Variants in THAP12 observed in about 807,000 individuals in gnomAD.
THAP12 encodes the protein THAP domain containing 12.
Under a neutral mutation model 63.0 loss-of-function variants are expected in THAP12, and 20 were observed. That is an observed-to-expected ratio of 0.32 (90% CI 0.22 to 0.46). THAP12 has a LOEUF of 0.46. THAP12 is among the 20% of genes least tolerant of loss of function. THAP12 has a pLI of 1.00. For synonymous variants in THAP12, 264 were observed against 328.4 expected (o/e 0.80, Z 2.12); for missense variants, 568 against 908.2 (o/e 0.63, Z 4.81).
Position 76,350,108 on chromosome 11 carries a change from G to A in THAP12, c.*756C>T, listed in dbSNP as rs977391774. 2.0e-5 allele frequency: 3 copies of A among 152,618 alleles called. No individual in the cohort carries two copies. Among genetic ancestry groups the A allele is most frequent in the Non-Finnish European group, 4.4e-5 (3 of 68,022 alleles). 9.5% of individuals were successfully genotyped at this position (152,618 alleles called of 1,614,324 possible). ...CCAGGTTTTGCTTATAAATCAAGAT[G>A]AGGCAGTATATAAGAGTCATGGAAA... On this transcript the variant is annotated 3_prime_UTR_variant, in exon 5 of 5. Coordinates refer to ENST00000260045, the MANE Select transcript of THAP12 (RefSeq NM_004705.4).
chr11:76,380,959 G>C lies in THAP12; in HGVS notation c.-123C>G, dbSNP rs536884905. ...GCCGGCTCGGCAGGGCCGACGCGCG[G>C]GGGAGGGGCGGGCGGGCTAGAAGCC... On this transcript the variant is annotated 5_prime_UTR_variant, in exon 1 of 5. Coordinates refer to ENST00000260045, the MANE Select transcript of THAP12 (RefSeq NM_004705.4). 120 of 453,032 alleles carry C rather than the reference G, an allele frequency of 2.6e-4. 3 individuals are homozygous for C. In the South Asian group the frequency reaches 9.3e-3, roughly 35 times the overall value. The allele number at this position is 453,032 out of a possible 1,614,324, so 28.1% of individuals were successfully genotyped here. A position where few individuals can be genotyped will look rare whatever the true frequency, so the allele number is the denominator to read the frequency against.
At chr11:76,365,292 TAA>T (rs774462964) in intron 2 of THAP12, among the ~76,000 whole-genome samples, 51 of 130,934 alleles carry the variant, frequency 3.9e-4, no homozygotes, top group Non-Finnish European at 4.1e-4. Flanking sequence ...AGACTGTCTT[TAA>T]AAAAAAAAAA....
intron 2 of THAP12, among the ~76,000 whole-genome samples, chr11:76,365,397 T>C (rs974909083): frequency 2.0e-5 from 3 of 152,080 alleles, no homozygotes; most frequent in African/African-American, 7.2e-5. Flanking sequence ...TTTTGAGTTT[T>C]TTTTCCAGAC....
At chr11:76,364,000 T>C (rs561810931) in intron 2 of THAP12, among the ~76,000 whole-genome samples, 2 of 152,340 alleles carry the variant, frequency 1.3e-5, no homozygotes, top group Admixed American at 1.3e-4. Context: ...AAGAATCATT[T>C]AGAAATTAAA....
rs1946522209 is a variant in THAP12 at position 76,351,002 on chromosome 11, C to A, written c.2148G>T (p.Arg716Ser). The A allele has an allele frequency of 6.2e-7, 1 of 1,611,688 alleles. No homozygotes were observed. ...AYLRNTLTDQ[R>S]SSNLALLNIN... Reference sequence around the variant, plus strand: ...TGTTAAGCAAAGCCAAGTTACTTGACCTTTGGTCTGTCAAAGTGTTCCTCA... The same window carrying A: ...TGTTAAGCAAAGCCAAGTTACTTGAACTTTGGTCTGTCAAAGTGTTCCTCA... Residue 716 changes from arginine (R) to serine (S), a missense_variant, in exon 5 of 5, where the codon AGG becomes AGT. Coordinates refer to ENST00000260045, the MANE Select transcript of THAP12 (RefSeq NM_004705.4).
intron 1 of THAP12, among the ~76,000 whole-genome samples, chr11:76,366,594 T>A (rs1946632958): frequency 6.6e-6 from 1 of 151,258 alleles, no homozygotes; most frequent in African/African-American, 2.4e-5. Context: ...GGCAGGAGAA[T>A]GGCGTGAACC....
At chr11:76,362,900 G>C (rs1160874028) in intron 2 of THAP12, among the ~76,000 whole-genome samples, 1 of 152,184 alleles carries the variant, frequency 6.6e-6, no homozygotes, top group Admixed American at 6.5e-5. Flanking sequence ...CCAACACTTT[G>C]GGAGGCCTTG....
At chr11:76,377,294 T>C (rs1293574461) in intron 1 of THAP12, among the ~76,000 whole-genome samples, 2 of 152,172 alleles carry the variant, frequency 1.3e-5, no homozygotes, top group Admixed American at 6.5e-5. Context: ...AGTAAAAAAC[T>C]AATGGCAATT....
At chr11:76,357,832 G>A in intron 3 of THAP12, 1 of 151,888 alleles carries the variant, frequency 6.6e-6, no homozygotes, top group Non-Finnish European at 1.5e-5. Context: ...AAAGTTGTAG[G>A]GTATAGCTAA....
intron 1 of THAP12, among the ~76,000 whole-genome samples, chr11:76,378,012 T>C (rs1946723555): frequency 6.6e-6 from 1 of 152,258 alleles, no homozygotes; most frequent in Non-Finnish European, 1.5e-5. Flanking sequence ...AGTACCTTCT[T>C]CCATTCTTTT....
intron 1 of THAP12, among the ~76,000 whole-genome samples, chr11:76,376,444 A>G (rs2134518053): frequency 6.6e-6 from 1 of 152,256 alleles, no homozygotes; most frequent in African/African-American, 2.4e-5. Context: ...CACTCAATAC[A>G]AGGAAGAAAC....
At chr11:76,362,802 T>G (rs572842059) in intron 2 of THAP12, among the ~76,000 whole-genome samples, 1 of 152,208 alleles carries the variant, frequency 6.6e-6, no homozygotes, top group Non-Finnish European at 1.5e-5. Flanking sequence ...AAAGATATTA[T>G]AGATCAGAAA....
intron 4 of THAP12, among the ~76,000 whole-genome samples, chr11:76,355,277 G>C (rs1946553554): frequency 6.6e-6 from 1 of 152,118 alleles, no homozygotes; most frequent in African/African-American, 2.4e-5. Flanking sequence ...ACCACAACTG[G>C]GTGGACAGAA....
intron 4 of THAP12, among the ~76,000 whole-genome samples, chr11:76,354,960 T>G (rs1946550757): frequency 6.6e-6 from 1 of 152,196 alleles, no homozygotes; most frequent in African/African-American, 2.4e-5. Context: ...GAAATAACAG[T>G]ACTTATCTCA....
intron 1 of THAP12, among the ~76,000 whole-genome samples, chr11:76,379,079 G>A (rs767770140): frequency 6.6e-6 from 1 of 152,108 alleles, no homozygotes; most frequent in Non-Finnish European, 1.5e-5. Flanking sequence ...TTGGGAGACC[G>A]ACACAGGAGG....
At chr11:76,358,201 A>G (rs1195543420) in intron 3 of THAP12, 2 of 152,098 alleles carry the variant, frequency 1.3e-5, no homozygotes, top group Non-Finnish European at 2.9e-5. Context: ...AGGAGAAAAA[A>G]AAAAAAAAGA....
chr11:76,371,593 C>T (rs1946674696), intron 1 of THAP12, among the ~76,000 whole-genome samples: 1 of 152,098 alleles, frequency 6.6e-6, no homozygotes. Context: ...ATCTTTAAAA[C>T]TCTCTTAATC....
intron 3 of THAP12, chr11:76,356,551 A>G (rs12576436): frequency 0.039 from 5,916 of 152,290 alleles, 150 homozygotes; most frequent in East Asian, 0.08. Context: ...CTTCATATCT[A>G]TGGATTTAAC....
chr11:76,361,124 A>C, intron 2 of THAP12, 61 bp from the exon 3 acceptor site: 1 of 1,082,742 alleles, frequency 9.2e-7, no homozygotes, highest in Non-Finnish European at 1.4e-6. Flanking sequence ...CACATCAATA[A>C]AATTCTATGT....
Sources: allele counts gnomAD v4.1 joint callset (sites outside exome capture counted in the v4.1 genomes callset), GRCh38; gene constraint gnomAD v4.1.1; transcripts MANE v1.5; gene names NCBI Gene and HGNC (gene_info 2026-07-23, HGNC 2026-07-21).